The following ST3GAL6 variants were observed in gnomAD, a reference collection of about 807,000 sequenced individuals.
The protein encoded by ST3GAL6 is type 2 lactosamine alpha-2,3-sialyltransferase.
A neutral mutation model predicts 40.5 loss-of-function variants in ST3GAL6; 31 were observed. The observed-to-expected ratio is 0.77, with a 90% CI of 0.58 to 1.03. ST3GAL6 has a LOEUF of 1.03. Ranked by LOEUF, ST3GAL6 falls within the 50% of genes least tolerant of loss-of-function variation. The probability of loss-of-function intolerance (pLI) is 0.00; values close to 1 mark genes in which losing one functional copy is unlikely to be tolerated. For synonymous variants in ST3GAL6, 129 were observed against 136.9 expected, an observed-to-expected ratio of 0.94 and a Z score of 0.40; for missense variants, 357 against 393.2, an observed-to-expected ratio of 0.91 and a Z score of 0.78.
At chr3:98,789,951 C>G (rs1337550889) in intron 8 of ST3GAL6, among the ~76,000 whole-genome samples, 4 of 152,232 alleles carry the variant, frequency 2.6e-5, no homozygotes, top group African/African-American at 9.6e-5. Context: ...TCAGCCATGT[C>G]AGATGCTGTC....
intron 6 of ST3GAL6, among the ~76,000 whole-genome samples, chr3:98,785,563 A>C (rs1940622859): frequency 6.6e-6 from 1 of 152,160 alleles, no homozygotes; most frequent in Non-Finnish European, 1.5e-5. Context: ...AGGAGTAGCA[A>C]AGAAACCCAG....
At chr3:98,775,514 A>G (rs948577533) in intron 5 of ST3GAL6, among the ~76,000 whole-genome samples, 2 of 152,056 alleles carry the variant, frequency 1.3e-5, no homozygotes, top group African/African-American at 4.8e-5. Context: ...CCTTGCAGCA[A>G]TTATCTGCAA....
chr3:98,795,235 A>T lies in ST3GAL6; in HGVS notation c.*1474A>T, dbSNP rs1941513047. ...TTACTCTCTTTTGACCAATAAATACAATTGGGAAACACTGGAAAACCATGG... is the reference window on the plus strand; with the variant it reads ...TTACTCTCTTTTGACCAATAAATACTATTGGGAAACACTGGAAAACCATGG... On this transcript the variant is annotated 3_prime_UTR_variant, in exon 10 of 10. Coordinates refer to ENST00000483910, the MANE Select transcript of ST3GAL6 (RefSeq NM_001323368.2). 6.6e-6 allele frequency: 1 copy of T among 152,200 alleles called. No homozygotes were observed. Among genetic ancestry groups the T allele is most frequent in the South Asian group, 2.1e-4 (1 of 4,836 alleles). The allele number at this position is 152,200 out of a possible 1,614,324, so 9.4% of individuals were successfully genotyped here. A position where few individuals can be genotyped will look rare whatever the true frequency, so the allele number is the denominator to read the frequency against.
chr3:98,752,663 G>GAACC (rs1481150892), intron 1 of ST3GAL6, among the ~76,000 whole-genome samples: 2 of 152,056 alleles, frequency 1.3e-5, no homozygotes. Flanking sequence ...AGTAGAGACG[G>GAACC]GGTTTCACCG....
chr3:98,785,145 G>T (rs577453610), intron 6 of ST3GAL6, 105 bp downstream of exon 6: 194 of 658,882 alleles, frequency 2.9e-4, no homozygotes, highest in African/African-American at 4.7e-4. Flanking sequence ...TTTCCATTTG[G>T]TTTTTTTTTT....
At chr3:98,782,684 G>C (rs888908309) in intron 5 of ST3GAL6, 6 of 442,854 alleles carry the variant, frequency 1.4e-5, no homozygotes, top group Admixed American at 3.3e-5. Context: ...CCATATTGCT[G>C]GTATTTCAAA....
At chr3:98,751,530 T>C (rs1937008835) in intron 1 of ST3GAL6, among the ~76,000 whole-genome samples, 1 of 152,208 alleles carries the variant, frequency 6.6e-6, no homozygotes, top group Non-Finnish European at 1.5e-5. Context: ...ACTTTCAGTT[T>C]CTTTGAAAAT....
At chr3:98,750,190 C>T (rs1414655392) in intron 1 of ST3GAL6, among the ~76,000 whole-genome samples, 1 of 152,186 alleles carries the variant, frequency 6.6e-6, no homozygotes, top group Non-Finnish European at 1.5e-5. Context: ...CATCAGAGCA[C>T]ATTTACTTAG....
chr3:98,772,084 A>G (rs1939058826), intron 3 of ST3GAL6, among the ~76,000 whole-genome samples: 2 of 152,192 alleles, frequency 1.3e-5, no homozygotes, highest in Non-Finnish European at 2.9e-5. Context: ...ACTTTAGTGA[A>G]AAAAGATATC....
chr3:98,769,721 A>C (rs1012489005), intron 2 of ST3GAL6, among the ~76,000 whole-genome samples: 1 of 152,234 alleles, frequency 6.6e-6, no homozygotes, highest in African/African-American at 2.4e-5. Context: ...TTGTTTGTGC[A>C]ATGAACTTGC....
intron 6 of ST3GAL6, 125 bp downstream of exon 6, chr3:98,785,165 C>A (rs1186884821): frequency 9.6e-6 from 6 of 626,334 alleles, no homozygotes; most frequent in Non-Finnish European, 1.4e-5. Context: ...TATTGCACAA[C>A]CTTCTCTCTT....
chr3:98,758,528 G>T (rs1162553434), upstream of ST3GAL6, among the ~76,000 whole-genome samples: 3 of 152,144 alleles, frequency 2.0e-5, no homozygotes, highest in African/African-American at 7.2e-5. Flanking sequence ...CAGAAATAGG[G>T]TCTAATTCTA....
At chr3:98,737,592 C>T (rs1935668233) in intron 1 of ST3GAL6, among the ~76,000 whole-genome samples, 1 of 152,166 alleles carries the variant, frequency 6.6e-6, no homozygotes, top group Non-Finnish European at 1.5e-5. Flanking sequence ...CTATTAGTAT[C>T]TAGGGAGACT....
chr3:98,745,467 T>G (rs1479368546), intron 1 of ST3GAL6, among the ~76,000 whole-genome samples: 1 of 152,248 alleles, frequency 6.6e-6, no homozygotes, highest in African/African-American at 2.4e-5. Context: ...ACCTAGGGAC[T>G]CTGCTGGTGG....
In ST3GAL6 at chr3:98,791,960, C is replaced by T; in HGVS notation, c.876C>T (p.Tyr292=). 1 of 1,613,802 alleles carries T rather than the reference C, an allele frequency of 6.2e-7. No homozygotes were observed. Among genetic ancestry groups the T allele is most frequent in the East Asian group, 2.2e-5 (1 of 44,866 alleles). ...NFSDLKSPLH[Y]YGNATMSLMN... is the part of the protein sequence containing the mutation. ...CTGACCTCAAGAGTCCTTTGCACTA[C>T]TATGGGAATGCCACCATGTCTTTGA... is the stretch of plus-strand genomic sequence containing the variant. The change falls in exon 9 of 10, where the codon TAC becomes TAT. Residue 292 remains tyrosine, a synonymous_variant. Transcript: ENST00000483910.
chr3:98,750,947 T>A (rs1329083725), intron 1 of ST3GAL6, among the ~76,000 whole-genome samples: 1 of 152,198 alleles, frequency 6.6e-6, no homozygotes, highest in Non-Finnish European at 1.5e-5. Context: ...CTTGTTTCCT[T>A]CCTTGATTTA....
At chr3:98,742,299 A>G (rs1219933031) in intron 1 of ST3GAL6, among the ~76,000 whole-genome samples, 2 of 152,190 alleles carry the variant, frequency 1.3e-5, no homozygotes, top group Non-Finnish European at 1.5e-5. Context: ...TCTAAGTTTG[A>G]GTGTTGTCCA....
chr3:98,748,583 G>A (rs778728606), intron 1 of ST3GAL6, among the ~76,000 whole-genome samples: 13 of 152,142 alleles, frequency 8.5e-5, no homozygotes, highest in Non-Finnish European at 1.0e-4. Flanking sequence ...TCTTGCCTCA[G>A]CCTCCCTAGT....
Position 98,791,937 on chromosome 3 carries a change from GA to G in ST3GAL6, c.854del (p.Asp285AlafsTer16). The G allele has an allele frequency of 6.2e-7, 1 of 1,613,932 alleles. No individual in the cohort carries two copies. Among genetic ancestry groups the G allele is most frequent in the Non-Finnish European group, 8.5e-7 (1 of 1,179,890 alleles). On this transcript the variant is annotated frameshift_variant, in exon 9 of 10. Coordinates refer to ENST00000483910, the MANE Select transcript of ST3GAL6 (RefSeq NM_001323368.2). LOFTEE classifies it high-confidence loss of function. The part of the protein sequence containing the change: ...HLAGFKYNFS[D>X]LKSPLHYYGN... ...AGCTGGTTTTAAATACAACTTTTCT[GA>G]CCTCAAGAGTCCTTTGCACTACTAT...
Sources: gnomAD v4.1 joint callset for allele counts (sites outside exome capture counted in the v4.1 genomes callset) on GRCh38, gnomAD v4.1.1 for gene constraint, MANE v1.5 for transcripts, NCBI Gene and HGNC (gene_info 2026-07-23, HGNC 2026-07-21) for gene names.